Variants in NLGN4Y observed in about 807,000 individuals in gnomAD.
NLGN4Y encodes the protein neuroligin 4 Y-linked.
In NLGN4Y, 4 loss-of-function variants were observed where a neutral mutation model predicts 8.4. That is an observed-to-expected ratio of 0.48 (90% CI 0.23 to 1.09). The LOEUF (loss-of-function observed/expected upper bound fraction) is 1.09, where lower values mean the gene tolerates loss of function less well. Ranked by LOEUF, NLGN4Y falls within the 50% of genes least tolerant of loss-of-function variation. The pLI, the probability that NLGN4Y is intolerant of heterozygous loss-of-function variation, is 0.19. For missense variants in NLGN4Y, 90 were observed against 192.3 expected, an observed-to-expected ratio of 0.47 and a Z score of 3.15; for synonymous variants, 35 against 75.6, an observed-to-expected ratio of 0.46 and a Z score of 2.78.
At chrY:14,598,651 C>A in intron 1 of NLGN4Y, among the ~76,000 whole-genome samples, 2 of 32,227 alleles carry the variant, frequency 6.2e-5, no homozygotes, top group Non-Finnish European at 1.5e-4. Context: ...TCCCACAGTG[C>A]AGTGGGGGTA....
rs1035429776 is a variant in NLGN4Y at position 14,553,968 on chromosome Y, G to A, written c.-112+29260G>A. On this transcript the variant is annotated intron_variant, in intron 1 of 6. Transcript: ENST00000684976. The stretch of plus-strand genomic sequence containing the variant: ...GCTATATGAATATTTTCTAACTTTT[G>A]TGAACAAAATATGTCTCATTTTCCT... Among the ~76,000 whole-genome samples, 13 of 31,314 alleles carry A rather than the reference G, an allele frequency of 4.2e-4. No individual in the cohort carries two copies. In the South Asian group the frequency reaches 9.2e-3, roughly 22 times the overall value. 84.0% of individuals were successfully genotyped at this position (31,314 alleles called of 37,273 possible). A position where few individuals can be genotyped will look rare whatever the true frequency, so the allele number is the denominator to read the frequency against.
intron 4 of NLGN4Y, among the ~76,000 whole-genome samples, chrY:14,752,445 A>T (rs943453523): frequency 4.2e-4 from 14 of 33,584 alleles, no homozygotes; most frequent in Admixed American, 1.6e-3. Context: ...GAATTAATTA[A>T]TTACTTAATC....
At chrY:14,791,814 C>T (rs2042986860) in intron 4 of NLGN4Y, among the ~76,000 whole-genome samples, 1 of 32,773 alleles carries the variant, frequency 3.1e-5, no homozygotes, top group East Asian at 8.1e-4. Context: ...GAACCCAAAC[C>T]CTTACCCTAC....
chrY:14,694,396 A>G (rs2080821296), intron 2 of NLGN4Y, among the ~76,000 whole-genome samples: 2 of 33,718 alleles, frequency 5.9e-5, no homozygotes, highest in Admixed American at 2.7e-4. Context: ...GGTGTTTTCC[A>G]AATGATCTTC....
intron 2 of NLGN4Y, among the ~76,000 whole-genome samples, chrY:14,703,753 C>A (rs2080865492): frequency 6.4e-4 from 21 of 32,860 alleles, no homozygotes; most frequent in African/African-American, 2.5e-3. Context: ...TTACCTTGGG[C>A]AGTATGGCCA....
At chrY:14,699,772 CT>C (rs2080843157) in intron 2 of NLGN4Y, among the ~76,000 whole-genome samples, 1 of 31,511 alleles carries the variant, frequency 3.2e-5, no homozygotes, top group African/African-American at 1.3e-4. Context: ...AAATAACATG[CT>C]TTTTTTAATG....
At chrY:14,644,587 A>G (rs764081709) in intron 2 of NLGN4Y, among the ~76,000 whole-genome samples, 1 of 33,389 alleles carries the variant, frequency 3.0e-5, no homozygotes, top group South Asian at 6.7e-4. Context: ...GGAACTAGAG[A>G]TAATATATTG....
intron 4 of NLGN4Y, among the ~76,000 whole-genome samples, chrY:14,749,120 G>T (rs2081034290): frequency 6.2e-5 from 2 of 32,186 alleles, no homozygotes; most frequent in Non-Finnish European, 1.5e-4. Context: ...CTTGCTGCAA[G>T]CCATCTTCAA....
At chrY:14,693,595 C>G (rs1024805851) in intron 2 of NLGN4Y, among the ~76,000 whole-genome samples, 2 of 31,760 alleles carry the variant, frequency 6.3e-5, no homozygotes, top group African/African-American at 2.5e-4. Flanking sequence ...GCTAATTTCT[C>G]TATTTTTATT....
chrY:14,688,992 TATA>T (rs2080801181), intron 2 of NLGN4Y, among the ~76,000 whole-genome samples: 1 of 28,979 alleles, frequency 3.5e-5, no homozygotes, highest in African/African-American at 1.3e-4. Context: ...AATATTATAT[TATA>T]TATAATTATA....
intron 2 of NLGN4Y, among the ~76,000 whole-genome samples, chrY:14,636,598 T>A: frequency 3.0e-5 from 1 of 33,595 alleles, no homozygotes; most frequent in Non-Finnish European, 7.3e-5. Context: ...ATTTCACCAC[T>A]GCACATTCTA....
At chrY:14,560,597 C>T (rs753956977) in intron 1 of NLGN4Y, among the ~76,000 whole-genome samples, 3 of 33,367 alleles carry the variant, frequency 9.0e-5, no homozygotes, top group African/African-American at 2.3e-4. Context: ...TACAGGACAA[C>T]GCAGACTTAC....
intron 4 of NLGN4Y, among the ~76,000 whole-genome samples, chrY:14,751,361 T>G (rs1000961451): frequency 1.2e-4 from 4 of 33,564 alleles, no homozygotes; most frequent in Admixed American, 1.1e-3. Context: ...ATGCCTGTTT[T>G]CACCAGCAGT....
At chrY:14,551,769 C>A in intron 1 of NLGN4Y, among the ~76,000 whole-genome samples, 1 of 32,745 alleles carries the variant, frequency 3.1e-5, no homozygotes, top group Non-Finnish European at 7.5e-5. Context: ...TCTCTGGGAC[C>A]CAGCCAAAGC....
chrY:14,587,452 A>T (rs2080345505), intron 1 of NLGN4Y, among the ~76,000 whole-genome samples: 1 of 33,433 alleles, frequency 3.0e-5, no homozygotes, highest in African/African-American at 1.2e-4. Flanking sequence ...TATGGTGGAA[A>T]CCTGAGTGAA....
At chrY:14,601,621 G>A (rs2080427404) in intron 1 of NLGN4Y, among the ~76,000 whole-genome samples, 1 of 32,511 alleles carries the variant, frequency 3.1e-5, no homozygotes, top group Non-Finnish European at 7.5e-5. Flanking sequence ...TCTTGGTGGT[G>A]AAAGCATCTT....
intron 2 of NLGN4Y, among the ~76,000 whole-genome samples, chrY:14,646,861 T>C: frequency 2.9e-5 from 1 of 34,144 alleles, no homozygotes; most frequent in Non-Finnish European, 7.3e-5. Context: ...ATCCCTGAAG[T>C]GCACCAAAGC....
intron 1 of NLGN4Y, among the ~76,000 whole-genome samples, chrY:14,608,524 G>A (rs2080455227): frequency 3.1e-5 from 1 of 32,170 alleles, no homozygotes; most frequent in African/African-American, 1.2e-4. Flanking sequence ...AGATGTGGGT[G>A]TTATTTCTGA....
In NLGN4Y at chrY:14,844,325, G is replaced by A; in HGVS notation, c.*3063G>A. The A allele has an allele frequency of 2.3e-5, 1 of 43,827 alleles. No individual in the cohort carries two copies. The highest frequency in any genetic ancestry group is 5.2e-5 in the Non-Finnish European group (1 of 19,340). The allele number at this position is 43,827 out of a possible 400,897, so 10.9% of individuals were successfully genotyped here. A position where few individuals can be genotyped will look rare whatever the true frequency, so the allele number is the denominator to read the frequency against. On this transcript the variant is annotated 3_prime_UTR_variant, in exon 7 of 7. Transcript: ENST00000684976. ...GTTTCAAATAGAAAGCCTTAGGTGAGTAAACCTTCTAGTGACAGTAAGAAA... is the reference window on the plus strand; with the variant it reads ...GTTTCAAATAGAAAGCCTTAGGTGAATAAACCTTCTAGTGACAGTAAGAAA...
Sources: allele counts gnomAD v4.1 joint callset (sites outside exome capture counted in the v4.1 genomes callset), GRCh38; gene constraint gnomAD v4.1.1; transcripts MANE v1.5; gene names NCBI Gene and HGNC (gene_info 2026-07-23, HGNC 2026-07-21).